KSR2: variants seen among roughly 807,000 people sequenced by gnomAD.
KSR2 encodes kinase suppressor of ras 2.
A neutral mutation model predicts 107.8 loss-of-function variants in KSR2; 25 were observed. The observed-to-expected ratio is 0.23, with a 90% CI of 0.17 to 0.32. The LOEUF (loss-of-function observed/expected upper bound fraction) is 0.32. KSR2 is among the 10% of genes least tolerant of loss of function. KSR2 has a pLI of 1.00. For missense variants in KSR2, 887 were observed against 1,268.9 expected, an observed-to-expected ratio of 0.70 and a Z score of 4.57; for synonymous variants, 480 against 507.0, an observed-to-expected ratio of 0.95 and a Z score of 0.71.
At chr12:117,581,247 C>T (rs1465386879) in intron 6 of KSR2, among the ~76,000 whole-genome samples, 1 of 152,158 alleles carries the variant, frequency 6.6e-6, no homozygotes, top group African/African-American at 2.4e-5. Flanking sequence ...GCATCTGCCC[C>T]TGATATCACC....
At chr12:117,717,555 A>G (rs1285862933) in intron 4 of KSR2, among the ~76,000 whole-genome samples, 1 of 152,100 alleles carries the variant, frequency 6.6e-6, no homozygotes, top group East Asian at 1.9e-4. Context: ...AGAGGGCCCT[A>G]TATGATTTAG....
chr12:117,555,105 C>T lies in KSR2; in HGVS notation c.1518+64G>A, dbSNP rs76715713. Reference sequence around the variant, plus strand: ...ATACTCCCAGATCAACCCTTCCTCCCTCCTACCCCTCACCCAGCAGTGCCA... The same window carrying T: ...ATACTCCCAGATCAACCCTTCCTCCTTCCTACCCCTCACCCAGCAGTGCCA... On this transcript the variant is annotated intron_variant, in intron 9 of 19. Transcript: ENST00000339824. The T allele has an allele frequency of 8.5e-3, 13,623 of 1,606,184 alleles. 730 individuals carry two copies. In the African/African-American group the frequency reaches 0.13, roughly 15 times the overall value.
chr12:117,832,231 C>A (rs2137117588), intron 3 of KSR2, among the ~76,000 whole-genome samples: 1 of 152,166 alleles, frequency 6.6e-6, no homozygotes, highest in East Asian at 1.9e-4. Context: ...TTGCAGTGAG[C>A]CAAGATCATG....
chr12:117,850,964 C>T (rs1190160647), intron 3 of KSR2, among the ~76,000 whole-genome samples: 1 of 152,168 alleles, frequency 6.6e-6, no homozygotes, highest in African/African-American at 2.4e-5. Context: ...AAACAAATTG[C>T]TCCCCAAAAC....
intron 5 of KSR2, among the ~76,000 whole-genome samples, chr12:117,658,346 T>C (rs60855196): frequency 0.13 from 20,017 of 152,158 alleles, 2,108 homozygotes; most frequent in East Asian, 0.53. Flanking sequence ...AACTATTGCA[T>C]AGTTTGGACA....
intron 7 of KSR2, among the ~76,000 whole-genome samples, chr12:117,559,337 A>G (rs1482845671): frequency 6.6e-6 from 1 of 152,218 alleles, no homozygotes; most frequent in Non-Finnish European, 1.5e-5. Context: ...GTTTTAAAAA[A>G]TATCAAATAT....
intron 3 of KSR2, among the ~76,000 whole-genome samples, chr12:117,793,042 G>T (rs1032231366): frequency 8.0e-6 from 1 of 124,926 alleles, no homozygotes; most frequent in African/African-American, 3.2e-5. Context: ...ATGCACACAC[G>T]CTCACATCAA....
intron 1 of KSR2, among the ~76,000 whole-genome samples, chr12:117,966,961 C>T (rs1033293334): frequency 6.6e-6 from 1 of 152,152 alleles, no homozygotes; most frequent in African/African-American, 2.4e-5. Context: ...CTCAGCCCCA[C>T]TGCCCCCACC....
intron 3 of KSR2, among the ~76,000 whole-genome samples, chr12:117,799,058 G>A (rs1890737610): frequency 2.0e-5 from 3 of 152,096 alleles, no homozygotes; most frequent in African/African-American, 4.8e-5. Context: ...GATTGCCAGG[G>A]GCTGGGAAAA....
chr12:117,688,685 C>T (rs996771137), intron 4 of KSR2, among the ~76,000 whole-genome samples: 2 of 152,132 alleles, frequency 1.3e-5, no homozygotes, highest in African/African-American at 2.4e-5. Context: ...CATAGAGGCT[C>T]GATCAGGTTT....
chr12:117,892,050 G>A (rs1482803345), intron 1 of KSR2, among the ~76,000 whole-genome samples: 1 of 151,412 alleles, frequency 6.6e-6, no homozygotes, highest in Non-Finnish European at 1.5e-5. Context: ...TGTAATCTTA[G>A]CACTTTGGGA....
intron 5 of KSR2, among the ~76,000 whole-genome samples, chr12:117,594,860 G>GT (rs1880540924): frequency 6.6e-6 from 1 of 152,162 alleles, no homozygotes; most frequent in Admixed American, 6.6e-5. Context: ...GGGAGGAGTG[G>GT]TACTGGTATC....
At chr12:117,918,780 C>T (rs1895257861) in intron 1 of KSR2, among the ~76,000 whole-genome samples, 1 of 145,728 alleles carries the variant, frequency 6.9e-6, no homozygotes, top group African/African-American at 2.6e-5. Context: ...AAGGGCGAAA[C>T]TCCGTCTCAA....
intron 7 of KSR2, among the ~76,000 whole-genome samples, chr12:117,565,153 C>A (rs771149832): frequency 6.6e-6 from 1 of 152,164 alleles, no homozygotes; most frequent in African/African-American, 2.4e-5. Context: ...CAAATGCTGG[C>A]GTTCACAGGA....
At chr12:117,540,887 C>CT (rs2137287956) in intron 9 of KSR2, among the ~76,000 whole-genome samples, 1 of 152,340 alleles carries the variant, frequency 6.6e-6, no homozygotes, top group South Asian at 2.1e-4. Context: ...AGTTTATGCT[C>CT]TTTTGTTACA....
intron 4 of KSR2, among the ~76,000 whole-genome samples, chr12:117,710,625 A>G (rs1886729162): frequency 6.6e-6 from 1 of 152,176 alleles, no homozygotes; most frequent in African/African-American, 2.4e-5. Flanking sequence ...CATGCAAGTT[A>G]ACCTTTGGGG....
intron 3 of KSR2, among the ~76,000 whole-genome samples, chr12:117,846,015 A>G (rs1892692327): frequency 6.6e-6 from 1 of 151,792 alleles, no homozygotes; most frequent in Non-Finnish European, 1.5e-5. Flanking sequence ...CCAAAGAAAA[A>G]GAAATTCCAC....
In KSR2 at chr12:117,555,264, C is replaced by T. The variant is rs1387801454; in HGVS notation, c.1423G>A (p.Val475Ile). Residue 475 changes from valine (V) to isoleucine (I), a missense_variant, in exon 9 of 20, where the codon GTT becomes ATT. This residue lies in a region of KSR2 where 60 missense variants were observed against 77.5 expected (regional missense o/e 0.77). Coordinates refer to ENST00000339824, the MANE Select transcript of KSR2 (RefSeq NM_173598.6). Reference protein sequence around the residue: ...DPARLVRTESVPCDINNPLRK... With the variant: ...DPARLVRTESIPCDINNPLRK... ...AGAGGGTTGTTGATGTCACACGGAACGGACTCTGTCCGGACTAACCTTGCT... is the reference window on the plus strand; with the variant it reads ...AGAGGGTTGTTGATGTCACACGGAATGGACTCTGTCCGGACTAACCTTGCT... 5 of 1,613,904 alleles carry T rather than the reference C, an allele frequency of 3.1e-6. No homozygotes were observed. Among genetic ancestry groups the T allele is most frequent in the South Asian group, 1.1e-5 (1 of 91,084 alleles).
chr12:117,936,537 TAGTAG>T (rs1895854006), intron 1 of KSR2, among the ~76,000 whole-genome samples: 90 of 83,558 alleles, frequency 1.1e-3, no homozygotes, highest in Admixed American at 3.4e-3. Context: ...TTATTATTAG[TAGTAG>T]TAGTAGTAGT....
Sources: allele counts gnomAD v4.1 joint callset (sites outside exome capture counted in the v4.1 genomes callset), GRCh38; gene constraint gnomAD v4.1.1; regional missense constraint gnomAD v4.1.1; transcripts MANE v1.5; gene names NCBI Gene and HGNC (gene_info 2026-07-23, HGNC 2026-07-21).